Variants in PLXND1 observed in about 807,000 individuals in gnomAD.
PLXND1 encodes the protein plexin D1, also known as plexin-D1.
PLXND1 carries 54 observed loss-of-function variants against 197.7 expected under a neutral mutation model. The observed-to-expected ratio is 0.27, with a 90% CI of 0.22 to 0.34. The LOEUF (loss-of-function observed/expected upper bound fraction) is 0.34. Among genes scored for constraint, PLXND1 ranks in the 10% least tolerant of loss-of-function variants. The pLI, the probability that PLXND1 is intolerant of heterozygous loss-of-function variation, is 1.00. For synonymous variants in PLXND1, 1,180 were observed against 1,161.2 expected, an observed-to-expected ratio of 1.02 and a Z score of -0.33; for missense variants, 2,127 against 2,699.2, an observed-to-expected ratio of 0.79 and a Z score of 4.70.
chr3:129,573,498 AGAGT>A, intron 13 of PLXND1, 92 bp downstream of exon 13: 1 of 1,235,954 alleles, frequency 8.1e-7, no homozygotes, highest in South Asian at 1.4e-5. Flanking sequence ...AGAAAGCAGC[AGAGT>A]GAGGACAGAG....
At chr3:129,576,293 C>G (rs1360974196) in intron 9 of PLXND1, among the ~76,000 whole-genome samples, 1 of 152,242 alleles carries the variant, frequency 6.6e-6, no homozygotes, top group Admixed American at 6.5e-5. Context: ...GAGCCCTCCC[C>G]TCGCCTGAAC....
intron 20 of PLXND1, 58 bp from the exon 21 acceptor site, chr3:129,567,863 G>T (rs1449351906): frequency 9.8e-7 from 1 of 1,018,262 alleles, no homozygotes; most frequent in Admixed American, 2.0e-5. Flanking sequence ...GCCTTTATTG[G>T]CGCCTGCTGT....
At chr3:129,571,008 C>A in intron 18 of PLXND1, 32 bp downstream of exon 18, 1 of 1,612,684 alleles carries the variant, frequency 6.2e-7, no homozygotes, top group Non-Finnish European at 8.5e-7. Context: ...GGCTCGCTTG[C>A]CCCCGCCTAC....
At chr3:129,562,466 C>T (rs1190379301) in intron 27 of PLXND1, 9 of 273,010 alleles carry the variant, frequency 3.3e-5, no homozygotes, top group Admixed American at 1.4e-4. Flanking sequence ...GCTGAGATTG[C>T]GCCACTGCAC....
Position 129,577,194 on chromosome 3 carries a change from G to C in PLXND1, c.2346+1135C>G, listed in dbSNP as rs556166555. Among the ~76,000 whole-genome samples, 2 of 152,244 alleles carry C rather than the reference G, an allele frequency of 1.3e-5. No homozygotes were observed. Among genetic ancestry groups the C allele is most frequent in the Admixed American group, 1.3e-4 (2 of 15,308 alleles). On this transcript the variant is annotated intron_variant, in intron 9 of 35. Coordinates refer to ENST00000324093, the MANE Select transcript of PLXND1 (RefSeq NM_015103.3). The surrounding 1 kb of genome is among the most constrained non-coding windows in gnomAD (Gnocchi z 5.0). ...ACCCGGCCCGTCCCAGAGCTCCCCA[G>C]GGTGTAGGCTCAGCAAACAGGCCCC...
chr3:129,585,697 T>A (rs1270029067), intron 5 of PLXND1, among the ~76,000 whole-genome samples: 2 of 152,338 alleles, frequency 1.3e-5, no homozygotes, highest in East Asian at 3.9e-4. Context: ...TTTCCCCATC[T>A]GTAAAATGAG....
At chr3:129,561,264 G>C (rs1476637450) in intron 29 of PLXND1, among the ~76,000 whole-genome samples, 1 of 152,136 alleles carries the variant, frequency 6.6e-6, no homozygotes, top group Non-Finnish European at 1.5e-5. Context: ...TCCCGGGCTC[G>C]CAGGCCTGGC....
At chr3:129,574,566 A>C in intron 11 of PLXND1, 76 bp from the exon 12 acceptor site, 1 of 1,431,592 alleles carries the variant, frequency 7.0e-7, no homozygotes, top group Non-Finnish European at 9.6e-7. Context: ...CTCCACACAC[A>C]ACAACTGTCA....
chr3:129,601,695 C>T (rs1201684343), intron 1 of PLXND1, among the ~76,000 whole-genome samples: 1 of 152,148 alleles, frequency 6.6e-6, no homozygotes, highest in Non-Finnish European at 1.5e-5. Context: ...ACATGCCCCA[C>T]CCCATGGGTA....
In PLXND1 at chr3:129,562,798, T is replaced by G; in HGVS notation, c.4814A>C (p.Asp1605Ala). 2 of 1,596,554 alleles carry G rather than the reference T, an allele frequency of 1.3e-6. No homozygotes were observed. The highest frequency in any genetic ancestry group is 2.2e-5 in the South Asian group (2 of 90,622). ...VPYSQWPRAE[D>A]VDLEWFASST... ...CCATTCCCACCCACCAAGGTCGACG[T>G]CCTCTGCACGCGGCCACTGGGAGTA... is the stretch of plus-strand genomic sequence containing the variant. Residue 1605 changes from aspartate (D) to alanine (A), a missense_variant, in exon 27 of 36, where the codon GAC (aspartate) becomes GCC (alanine). Asp to Ala is a moderately radical substitution (Grantham distance 126, BLOSUM62 -2). Transcript: ENST00000324093.
rs1484819967 is a variant in PLXND1 at position 129,605,867 on chromosome 3, T to C, written c.773A>G (p.Asn258Ser). The C allele has an allele frequency of 6.2e-7, 1 of 1,612,994 alleles. No individual in the cohort carries two copies. The highest frequency in any genetic ancestry group is 8.5e-7 in the Non-Finnish European group (1 of 1,179,764). Residue 258 changes from asparagine to serine, a missense_variant, in exon 1 of 36, where the codon AAC becomes AGC. This residue lies in a region of PLXND1 where 1,095 missense variants were observed against 1,259.8 expected (regional missense o/e 0.87). Coordinates refer to ENST00000324093, the MANE Select transcript of PLXND1 (RefSeq NM_015103.3). ...DLAKLFTFDL[N>S]PSDDNILKIK... Reference sequence around the variant, plus strand: ...CTTGAGGATGTTGTCGTCGGAGGGGTTGAGGTCGAAGGTGAAGAGCTTGGC... The same window carrying C: ...CTTGAGGATGTTGTCGTCGGAGGGGCTGAGGTCGAAGGTGAAGAGCTTGGC...
rs2085461877 is a variant in PLXND1, at chr3:129,586,422, C to T, written c.1621-150G>A. 2.8e-6 allele frequency: 3 copies of T among 1,068,154 alleles called. No homozygotes were observed. In the Middle Eastern group the frequency reaches 8.6e-4, roughly 305 times the overall value. The allele number at this position is 1,068,154 out of a possible 1,614,324, so 66.2% of individuals were successfully genotyped here. On this transcript the variant is annotated intron_variant, in intron 3 of 35. Transcript: ENST00000324093. Reference sequence around the variant, plus strand: ...GAACATGGGAGACAAGGCTTCCCTGCAGAGGCAAGGTCGGTGTTGGGAGGC... The same window carrying T: ...GAACATGGGAGACAAGGCTTCCCTGTAGAGGCAAGGTCGGTGTTGGGAGGC...
chr3:129,570,914 G>A lies in PLXND1; in HGVS notation c.3622C>T (p.Leu1208Phe). 1.2e-6 allele frequency: 2 copies of A among 1,614,220 alleles called. No individual in the cohort carries two copies. The highest frequency in any genetic ancestry group is 1.3e-5 in the African/African-American group (1 of 75,054). The change falls in exon 19 of 36, where the codon CTC becomes TTC. Residue 1208 changes from leucine to phenylalanine, a missense_variant. Physicochemically the swap from Leu to Phe is conservative, Grantham distance 22. Coordinates refer to ENST00000324093, the MANE Select transcript of PLXND1 (RefSeq NM_015103.3). ...TTGACCCGGTACTCGTGACTCTGGA[G>A]CCCCAGGCTGTCCTGCTCCTTCTGT... Reference protein sequence around the residue: ...VIHKEQDSLGLQSHEYRVKIG... With the variant: ...VIHKEQDSLGFQSHEYRVKIG...
In PLXND1 at chr3:129,587,366, T is replaced by C. The variant is rs188311845; in HGVS notation, c.1489-647A>G. On this transcript the variant is annotated intron_variant, in intron 2 of 35. Coordinates refer to ENST00000324093, the MANE Select transcript of PLXND1 (RefSeq NM_015103.3). ...AGTCCAAGGCTTAAGGCTAGGGGTG[T>C]GGAACCAAGGTGCAGGGAGGAGGAA... Among the ~76,000 whole-genome samples the C allele has an allele frequency of 4.6e-3, 695 of 152,322 alleles. 4 individuals are homozygous for C. The highest frequency in any genetic ancestry group is 7.6e-3 in the Admixed American group (117 of 15,300).
chr3:129,559,339 ACC>A, intron 32 of PLXND1: 6 of 333,832 alleles, frequency 1.8e-5, no homozygotes, highest in South Asian at 1.8e-4. Flanking sequence ...GATGGTGCCC[ACC>A]TGAGAGGGGT....
rs761435693 is a variant in PLXND1, at chr3:129,605,790, G to C, written c.850C>G (p.Leu284Val). The change falls in exon 1 of 36, where the codon CTG (leucine) becomes GTG (valine). Residue 284 changes from leucine to valine, a missense_variant. Leu to Val is a conservative substitution (Grantham distance 32). Coordinates refer to ENST00000324093, the MANE Select transcript of PLXND1 (RefSeq NM_015103.3). ...CCCGGCGGCGGGTCGGACGGGTGCA[G>C]GAAGGCGCTCACGAAGCCCAGCTTG... ...QHKLGFVSAF[L>V]HPSDPPPGAQ... 6.3e-7 allele frequency: 1 copy of C among 1,592,966 alleles called. No individual in the cohort carries two copies. The highest frequency in any genetic ancestry group is 1.3e-5 in the African/African-American group (1 of 74,412).
chr3:129,597,032 A>G (rs957009868), intron 1 of PLXND1, among the ~76,000 whole-genome samples: 1 of 152,254 alleles, frequency 6.6e-6, no homozygotes, highest in Admixed American at 6.5e-5. Flanking sequence ...AGTAGCAAGC[A>G]GCTGTGTGCA....
In PLXND1 at chr3:129,570,612, T is replaced by C. The variant is rs189695435; in HGVS notation, c.3750+174A>G. 8 of 656,658 alleles carry C rather than the reference T, an allele frequency of 1.2e-5. No homozygotes were observed. In the Admixed American group the frequency reaches 1.9e-4, roughly 15 times the overall value. The allele number at this position is 656,658 out of a possible 1,614,324, so 40.7% of individuals were successfully genotyped here. On this transcript the variant is annotated intron_variant, in intron 19 of 35. Transcript: ENST00000324093. The stretch of plus-strand genomic sequence containing the variant: ...GACCTCAAGCAAGTCACTAAGTTCT[T>C]GGGCCTCAGTTTCCTCATATGTCAA...
At chr3:129,594,453 C>T (rs1036060847) in intron 1 of PLXND1, among the ~76,000 whole-genome samples, 2 of 152,136 alleles carry the variant, frequency 1.3e-5, no homozygotes, top group African/African-American at 4.8e-5. Context: ...CACCGCACTC[C>T]AGTCTGGGTG....
Sources: gnomAD v4.1 joint callset for allele counts (sites outside exome capture counted in the v4.1 genomes callset) on GRCh38, gnomAD v4.1.1 for gene constraint, gnomAD v4.1.1 regional missense constraint, Gnocchi (gnomAD v3.1) non-coding constraint, MANE v1.5 for transcripts, NCBI Gene and HGNC (gene_info 2026-07-23, HGNC 2026-07-21) for gene names.